The following MYO5B variants were observed in gnomAD, a reference collection of about 807,000 sequenced individuals.
MYO5B encodes the protein unconventional myosin-Vb.
A neutral mutation model predicts 229.3 loss-of-function variants in MYO5B; 143 were observed. That is an observed-to-expected ratio of 0.62 (90% confidence interval 0.54 to 0.72). The LOEUF (loss-of-function observed/expected upper bound fraction) is 0.72, where lower values mean the gene tolerates loss of function less well. Among genes scored for constraint, MYO5B ranks in the 30% least tolerant of loss-of-function variants. MYO5B has a pLI of 0.00. For synonymous variants in MYO5B, 918 were observed against 885.2 expected, an observed-to-expected ratio of 1.04 and a Z score of -0.66; for missense variants, 2,321 against 2,331.0, an observed-to-expected ratio of 1.00 and a Z score of 0.09.
chr18:50,105,196 G>A (rs16951537), intron 1 of MYO5B, among the ~76,000 whole-genome samples: 1 of 137,682 alleles, frequency 7.3e-6, no homozygotes, highest in East Asian at 2.1e-4. Flanking sequence ...AGAGGTCAAG[G>A]CATGGTAAAA....
rs549945869 is a variant in MYO5B at position 49,902,325 on chromosome 18, A to T, written c.2811+269T>A. Among the ~76,000 whole-genome samples, 149 of 152,320 alleles carry T rather than the reference A, an allele frequency of 9.8e-4. 1 individual carries two copies. Among genetic ancestry groups the T allele is most frequent in the Non-Finnish European group, 1.6e-3 (106 of 68,028 alleles). On this transcript the variant is annotated intron_variant, in intron 21 of 39. Transcript: ENST00000285039. ...ATCAAGCTCACCTGGCTCACCCAGG[A>T]TACTCTTCCCATCCTACAGTTCTTA... is the stretch of plus-strand genomic sequence containing the variant.
Position 49,906,304 on chromosome 18 carries a change from C to CA in MYO5B, c.2414+114_2414+115insT, listed in dbSNP as rs2024898590. 1.2e-5 allele frequency: 13 copies of CA among 1,049,380 alleles called. No homozygotes were observed. The Admixed American group carries it at 2.3e-4, about 19-fold the overall frequency. The allele number at this position is 1,049,380 out of a possible 1,614,324, so 65.0% of individuals were successfully genotyped here. On this transcript the variant is annotated intron_variant, in intron 19 of 39. Transcript: ENST00000285039. ...GGAAAAGCCAAGATGCAGACATGGCCCCAACAGGAACCACTCTCAGCACAG... is the reference window on the plus strand; with the variant it reads ...GGAAAAGCCAAGATGCAGACATGGCCACCAACAGGAACCACTCTCAGCACAG...
chr18:50,030,154 A>G (rs1348664624), intron 4 of MYO5B, among the ~76,000 whole-genome samples: 4 of 152,234 alleles, frequency 2.6e-5, no homozygotes, highest in African/African-American at 4.8e-5. Flanking sequence ...AGTTGATTGC[A>G]AAAGTCCTGA....
At chr18:50,100,596 G>A (rs2031635802) in intron 1 of MYO5B, among the ~76,000 whole-genome samples, 1 of 152,132 alleles carries the variant, frequency 6.6e-6, no homozygotes, top group Admixed American at 6.5e-5. Context: ...ACATCGTACT[G>A]ACTGGTCAGG....
At chr18:49,990,578 T>C (rs980555211) in intron 6 of MYO5B, 58 bp from the exon 7 acceptor site, 22 of 1,439,742 alleles carry the variant, frequency 1.5e-5, no homozygotes, top group Non-Finnish European at 2.1e-5. Flanking sequence ...TCGTTCCCTC[T>C]GCCACTGTAA....
At chr18:49,838,635 A>C (rs9964783) in intron 36 of MYO5B, among the ~76,000 whole-genome samples, 74,966 of 152,018 alleles carry the variant, frequency 0.49, 20,981 homozygotes, top group Non-Finnish European at 0.64. Flanking sequence ...ATCTACACAT[A>C]ATTTTTCTTC....
At chr18:50,193,073 C>T (rs1169583668) in intron 1 of MYO5B, among the ~76,000 whole-genome samples, 2 of 152,256 alleles carry the variant, frequency 1.3e-5, no homozygotes, top group Admixed American at 6.5e-5. Flanking sequence ...AGCTTCGGCT[C>T]TTTGAGCACT....
intron 17 of MYO5B, among the ~76,000 whole-genome samples, chr18:49,917,296 CCATT>C (rs1285582672): frequency 6.6e-6 from 1 of 152,204 alleles, no homozygotes; most frequent in Non-Finnish European, 1.5e-5. Flanking sequence ...ATTCTCCTGA[CCATT>C]CAACACGTTA....
intron 1 of MYO5B, among the ~76,000 whole-genome samples, chr18:50,075,716 C>A (rs1170732292): frequency 1.3e-5 from 2 of 152,154 alleles, no homozygotes; most frequent in Admixed American, 6.5e-5. Flanking sequence ...GAACACAGGG[C>A]AGGAAGCCCA....
At chr18:49,969,664 G>A (rs2025667981) in intron 10 of MYO5B, 4 of 152,178 alleles carry the variant, frequency 2.6e-5, no homozygotes, top group African/African-American at 9.7e-5. Context: ...TTATAGGCAT[G>A]AGCCACCGCG....
intron 4 of MYO5B, among the ~76,000 whole-genome samples, chr18:50,002,155 C>G (rs1277583501): frequency 6.6e-6 from 1 of 152,042 alleles, no homozygotes; most frequent in African/African-American, 2.4e-5. Flanking sequence ...AAACATGGAT[C>G]TTTTCTTCTC....
chr18:50,140,836 C>T (rs898068142), intron 1 of MYO5B, among the ~76,000 whole-genome samples: 1 of 152,210 alleles, frequency 6.6e-6, no homozygotes, highest in East Asian at 1.9e-4. Flanking sequence ...AGCTGTTGTA[C>T]TTATGGTACA....
intron 31 of MYO5B, 85 bp from the exon 32 acceptor site, chr18:49,849,745 A>T: frequency 9.4e-7 from 1 of 1,060,596 alleles, no homozygotes; most frequent in Admixed American, 1.7e-5. Context: ...GTTGGAGGTG[A>T]CCAGTGCGGC....
intron 39 of MYO5B, among the ~76,000 whole-genome samples, chr18:49,827,560 C>A (rs1037654293): frequency 6.6e-6 from 1 of 151,948 alleles, no homozygotes; most frequent in African/African-American, 2.4e-5. Context: ...GAAGTTTAAC[C>A]GCAGACTTGA....
At chr18:50,025,159 A>C (rs948298135) in intron 4 of MYO5B, among the ~76,000 whole-genome samples, 1 of 152,164 alleles carries the variant, frequency 6.6e-6, no homozygotes, top group Non-Finnish European at 1.5e-5. Context: ...TTTTCCATTT[A>C]AGATTTTCTT....
chr18:49,899,265 T>C (rs2024814514), intron 21 of MYO5B, among the ~76,000 whole-genome samples: 2 of 152,008 alleles, frequency 1.3e-5, no homozygotes, highest in Admixed American at 1.3e-4. Context: ...AAAAAAAAAA[T>C]TCACTTGCAA....
rs1370492826 is a variant in MYO5B, at chr18:49,836,730, G to A, written c.5294C>T (p.Thr1765Ile). ...EDAEAICSLC[T>I]SLSTQQIVKI... ...CTGTACCTGCTGGGTGCTGAGGGAG[G>A]TACACAGGGAGCAGATAGCCTCTGC... The change falls in exon 38 of 40, where the codon ACC becomes ATC. Residue 1765 changes from threonine to isoleucine, a missense_variant. Physicochemically the swap from Thr to Ile is moderately conservative, Grantham distance 89. This residue lies in a region of MYO5B where 208 missense variants were observed against 286.3 expected (regional missense o/e 0.73). Coordinates refer to ENST00000285039, the MANE Select transcript of MYO5B (RefSeq NM_001080467.3). The A allele has an allele frequency of 1.5e-5, 24 of 1,613,994 alleles. No homozygotes were observed. Among genetic ancestry groups the A allele is most frequent in the Non-Finnish European group, 2.0e-5 (24 of 1,179,992 alleles).
intron 5 of MYO5B, among the ~76,000 whole-genome samples, chr18:50,000,028 G>C (rs974942653): frequency 2.0e-5 from 3 of 152,246 alleles, no homozygotes; most frequent in African/African-American, 7.2e-5. Context: ...GTTGTATCCT[G>C]TTACTTAGCA....
intron 17 of MYO5B, among the ~76,000 whole-genome samples, chr18:49,918,296 T>C (rs897869415): frequency 6.6e-6 from 1 of 152,212 alleles, no homozygotes; most frequent in Non-Finnish European, 1.5e-5. Context: ...CTCGGGCATG[T>C]TTCCTCATGA....
Sources: gnomAD v4.1 joint callset for allele counts (sites outside exome capture counted in the v4.1 genomes callset) on GRCh38, gnomAD v4.1.1 for gene constraint, gnomAD v4.1.1 regional missense constraint, MANE v1.5 for transcripts, NCBI Gene and HGNC (gene_info 2026-07-23, HGNC 2026-07-21) for gene names.